The following NINL variants were observed in gnomAD, a reference collection of about 807,000 sequenced individuals.
NINL encodes ninein-like protein.
In NINL, 153 loss-of-function variants were observed where a neutral mutation model predicts 160.3. That is an observed-to-expected ratio of 0.95 (90% confidence interval 0.84 to 1.09). The LOEUF (loss-of-function observed/expected upper bound fraction) is 1.09, where lower values mean the gene tolerates loss of function less well. Ranked by LOEUF, NINL falls within the 50% of genes least tolerant of loss-of-function variation. The pLI is 0.00. For synonymous variants in NINL, 800 were observed against 734.8 expected (o/e 1.09, Z -1.43); for missense variants, 1,829 against 1,764.0 (o/e 1.04, Z -0.66).
intron 22 of NINL, 23 bp from the exon 23 acceptor site, chr20:25,455,809 G>T: frequency 6.2e-7 from 1 of 1,601,702 alleles, no homozygotes; most frequent in Non-Finnish European, 8.6e-7. Flanking sequence ...AAGGTTGCAG[G>T]TGGCCGGGCA....
Position 25,479,894 on chromosome 20 carries a change from T to G in NINL, c.1917+267A>C, listed in dbSNP as rs547918564. Among the ~76,000 whole-genome samples, 6 of 152,358 alleles carry G rather than the reference T, an allele frequency of 3.9e-5. No homozygotes were observed. The East Asian group carries it at 1.2e-3, about 29-fold the overall frequency. On this transcript the variant is annotated intron_variant, in intron 15 of 23. Coordinates refer to ENST00000278886, the MANE Select transcript of NINL (RefSeq NM_025176.6). ...AGGAGGGCTGGCCACGGCGCTGCGC[T>G]GCCTCAAGTATCCCCTTGTGACACT...
At position 25,476,658 on chromosome 20, in the gene NINL, C is replaced by T. The variant is rs1038478506; in HGVS notation, c.2633G>A (p.Arg878His). 2.5e-6 allele frequency: 4 copies of T among 1,585,984 alleles called. No homozygotes were observed. Among genetic ancestry groups the T allele is most frequent in the East Asian group, 4.5e-5 (2 of 44,406 alleles). ...ESEEAAGAGP[R>H]RRQAQDTEAT... ...TTCTGTGTCCTGGGCTTGCCTGCGG[C>T]GAGGCCCGGCTCCTGCCGCCTCCTC... Residue 878 changes from arginine (R) to histidine (H), a missense_variant, in exon 17 of 24, where the codon CGC (arginine) becomes CAC (histidine). Coordinates refer to ENST00000278886, the MANE Select transcript of NINL (RefSeq NM_025176.6).
intron 18 of NINL, among the ~76,000 whole-genome samples, chr20:25,468,163 C>T (rs1024960113): frequency 2.6e-4 from 39 of 152,180 alleles, no homozygotes; most frequent in African/African-American, 9.4e-4. Flanking sequence ...TTCTCCCTTC[C>T]TCAGTCCCAG....
intron 1 of NINL, among the ~76,000 whole-genome samples, chr20:25,550,079 G>C (rs1466798409): frequency 6.6e-6 from 1 of 152,152 alleles, no homozygotes; most frequent in African/African-American, 2.4e-5. Flanking sequence ...CTCACATTAC[G>C]TTTACTTAAA....
At chr20:25,474,129 A>C (rs1473494726) in intron 17 of NINL, among the ~76,000 whole-genome samples, 1 of 152,218 alleles carries the variant, frequency 6.6e-6, no homozygotes, top group African/African-American at 2.4e-5. Context: ...TTAGAGGTAG[A>C]AAGTGGAGGC....
chr20:25,584,232 A>G (rs1466552714), intron 1 of NINL, among the ~76,000 whole-genome samples: 1 of 152,232 alleles, frequency 6.6e-6, no homozygotes, highest in Non-Finnish European at 1.5e-5. Flanking sequence ...GAACTTTGGG[A>G]GGCCGAGGCA....
intron 16 of NINL, 141 bp downstream of exon 16, chr20:25,478,782 T>C (rs1053376819): frequency 2.6e-5 from 22 of 860,596 alleles, no homozygotes; most frequent in Non-Finnish European, 3.8e-5. Context: ...ACCTGTTCTT[T>C]TGGCACTCAC....
chr20:25,477,766 G>C (rs762378849), intron 16 of NINL, among the ~76,000 whole-genome samples: 1 of 152,272 alleles, frequency 6.6e-6, no homozygotes, highest in South Asian at 2.1e-4. Context: ...TGGGGGCCAG[G>C]TGCACAAGGG....
intron 1 of NINL, among the ~76,000 whole-genome samples, chr20:25,571,789 T>C (rs1300980409): frequency 3.0e-5 from 4 of 134,160 alleles, no homozygotes; most frequent in African/African-American, 1.1e-4. Context: ...ATTGCTTGAA[T>C]CCTGGGAGGC....
chr20:25,470,680 G>A (rs2063073732), intron 17 of NINL, among the ~76,000 whole-genome samples: 1 of 152,182 alleles, frequency 6.6e-6, no homozygotes, highest in South Asian at 2.1e-4. Flanking sequence ...GATAGATGAA[G>A]ATGGCAATTT....
chr20:25,499,849 A>C (rs1023650913), intron 8 of NINL, among the ~76,000 whole-genome samples: 5 of 151,790 alleles, frequency 3.3e-5, no homozygotes, highest in African/African-American at 1.2e-4. Flanking sequence ...GCACAGCAGC[A>C]AGAGGACATC....
chr20:25,569,604 G>A (rs1044057415), intron 1 of NINL, among the ~76,000 whole-genome samples: 1 of 152,168 alleles, frequency 6.6e-6, no homozygotes, highest in Non-Finnish European at 1.5e-5. Context: ...CCTCCTCCTG[G>A]GAGGCCCTGC....
At chr20:25,496,367 C>T (rs970710406) in intron 10 of NINL, among the ~76,000 whole-genome samples, 11 of 152,142 alleles carry the variant, frequency 7.2e-5, no homozygotes, top group Non-Finnish European at 1.2e-4. Flanking sequence ...CAGCTAGGGG[C>T]CGAAAGGCTT....
intron 17 of NINL, among the ~76,000 whole-genome samples, chr20:25,472,569 G>A (rs1317316219): frequency 1.5e-5 from 2 of 136,838 alleles, no homozygotes; most frequent in Admixed American, 7.9e-5. Flanking sequence ...TTGCTCTGCC[G>A]CCCAGGCTGG....
intron 1 of NINL, among the ~76,000 whole-genome samples, chr20:25,568,454 C>T (rs1007005852): frequency 1.3e-5 from 2 of 151,842 alleles, no homozygotes; most frequent in African/African-American, 2.4e-5. Context: ...GTCACCTAGT[C>T]GGGAAGAGTA....
chr20:25,536,644 G>C (rs1316562981), intron 1 of NINL, among the ~76,000 whole-genome samples: 1 of 152,162 alleles, frequency 6.6e-6, no homozygotes, highest in Admixed American at 6.5e-5. Flanking sequence ...GCTTGAGCCT[G>C]GGGGGCAGAG....
At chr20:25,573,571 C>T (rs2065079650) in intron 1 of NINL, among the ~76,000 whole-genome samples, 2 of 152,160 alleles carry the variant, frequency 1.3e-5, no homozygotes, top group Non-Finnish European at 2.9e-5. Flanking sequence ...TCAGTGTCAA[C>T]ACCAACAATT....
intron 1 of NINL, among the ~76,000 whole-genome samples, chr20:25,560,251 T>C (rs2064919188): frequency 1.3e-5 from 2 of 152,212 alleles, no homozygotes; most frequent in African/African-American, 2.4e-5. Context: ...GCCTGGCCTA[T>C]TAAATACTGT....
At chr20:25,473,837 C>T (rs1050697588) in intron 17 of NINL, among the ~76,000 whole-genome samples, 10 of 151,982 alleles carry the variant, frequency 6.6e-5, no homozygotes, top group African/African-American at 2.4e-4. Flanking sequence ...CACTGCACTC[C>T]AGTCTGGGCA....
Sources: gnomAD v4.1 joint callset for allele counts (sites outside exome capture counted in the v4.1 genomes callset) on GRCh38, gnomAD v4.1.1 for gene constraint, MANE v1.5 for transcripts, NCBI Gene and HGNC (gene_info 2026-07-23, HGNC 2026-07-21) for gene names.